The following DSTYK variants were observed in gnomAD, a reference collection of about 807,000 sequenced individuals.
DSTYK encodes the protein RIP-homologous kinase.
Under a neutral mutation model 98.7 loss-of-function variants are expected in DSTYK, and 34 were observed. The observed-to-expected ratio is 0.34, with a 90% CI of 0.26 to 0.46. The LOEUF is 0.46. Among genes scored for constraint, DSTYK ranks in the 20% least tolerant of loss-of-function variants. The pLI, the probability that DSTYK is intolerant of heterozygous loss-of-function variation, is 1.00. For synonymous variants in DSTYK, 462 were observed against 457.3 expected (o/e 1.01, Z -0.13); for missense variants, 962 against 1,181.7 (o/e 0.81, Z 2.73).
chr1:205,190,874 C>T (rs1326667706), intron 1 of DSTYK, among the ~76,000 whole-genome samples: 1 of 152,096 alleles, frequency 6.6e-6, no homozygotes, highest in Non-Finnish European at 1.5e-5. Flanking sequence ...ACTAAATAAC[C>T]TTTGTTACTG....
chr1:205,187,340 T>C (rs1335217856), intron 2 of DSTYK, 78 bp downstream of exon 2: 2 of 1,469,860 alleles, frequency 1.4e-6, no homozygotes, highest in Admixed American at 2.3e-5. Flanking sequence ...TATCATCGAA[T>C]TACTTTTTTA....
At chr1:205,178,231 A>G (rs1658288791) in intron 2 of DSTYK, among the ~76,000 whole-genome samples, 1 of 152,000 alleles carries the variant, frequency 6.6e-6, no homozygotes, top group African/African-American at 2.4e-5. Flanking sequence ...CTGATTCTCA[A>G]CTCATGAGCA....
chr1:205,167,394 T>C lies in DSTYK; in HGVS notation c.1324+1769A>G, dbSNP rs145698824. 7.2e-5 allele frequency among the ~76,000 whole-genome samples: 11 copies of C among 152,222 alleles called. No homozygotes were observed. In the East Asian group the frequency reaches 1.9e-3, roughly 27 times the overall value. Reference sequence around the variant, plus strand: ...CAGTCTGGATGGCAGAGCAAGAACCTGTCCCAAAAATAAAAAAAGAAGGAG... The same window carrying C: ...CAGTCTGGATGGCAGAGCAAGAACCCGTCCCAAAAATAAAAAAAGAAGGAG... On this transcript the variant is annotated intron_variant, in intron 3 of 12. Coordinates refer to ENST00000367162, the MANE Select transcript of DSTYK (RefSeq NM_015375.3).
At chr1:205,205,741 A>C (rs1366724604) in intron 1 of DSTYK, among the ~76,000 whole-genome samples, 1 of 152,102 alleles carries the variant, frequency 6.6e-6, no homozygotes, top group Non-Finnish European at 1.5e-5. Context: ...CACCGCGCCC[A>C]GCCGAAAATG....
chr1:205,184,814 G>T lies in DSTYK; in HGVS notation c.654+2604C>A, dbSNP rs1033835131. ...TGCCCAGGCTGGTGTTGAACATTTGGGCTCAAGCTATCCTCCTCCCTCAGT... is the reference window on the plus strand; with the variant it reads ...TGCCCAGGCTGGTGTTGAACATTTGTGCTCAAGCTATCCTCCTCCCTCAGT... On this transcript the variant is annotated intron_variant, in intron 2 of 12. Coordinates refer to ENST00000367162, the MANE Select transcript of DSTYK (RefSeq NM_015375.3). 2.0e-5 allele frequency among the ~76,000 whole-genome samples: 3 copies of T among 152,056 alleles called. No individual in the cohort carries two copies. In the South Asian group the frequency reaches 6.2e-4, roughly 32 times the overall value.
In DSTYK at chr1:205,147,724, G is replaced by T; in HGVS notation, c.2624C>A (p.Pro875His). 6.2e-7 allele frequency: 1 copy of T among 1,613,934 alleles called. No individual in the cohort carries two copies. Among genetic ancestry groups the T allele is most frequent in the Non-Finnish European group, 8.5e-7 (1 of 1,179,916 alleles). ...CTGCCAGCACTCCTCATCAAACACA[G>T]GAAGACGTTCTGGGCGAGCCCCTAG... ...VRRGARPERL[P>H]VFDEECWQLM... Residue 875 changes from proline to histidine, a missense_variant, in exon 13 of 13, where the codon CCT (proline) becomes CAT (histidine). Coordinates refer to ENST00000367162, the MANE Select transcript of DSTYK (RefSeq NM_015375.3).
Position 205,187,710 on chromosome 1 carries a change from C to T in DSTYK, c.362G>A (p.Cys121Tyr). ...ATTCAACAGCTGGCACTTGACGTTA[C>T]AATCCTGGCCGAGGATCAGTATGCA... The part of the protein sequence containing the change: ...LPCILILGQD[C>Y]NVKCQLLNLL... The change falls in exon 2 of 13, where the codon TGT (cysteine) becomes TAT (tyrosine). Residue 121 changes from cysteine to tyrosine, a missense_variant. Cys to Tyr is a radical substitution (Grantham distance 194). This residue lies in a region of DSTYK where 660 missense variants were observed against 855.0 expected (regional missense o/e 0.77). Coordinates refer to ENST00000367162, the MANE Select transcript of DSTYK (RefSeq NM_015375.3). 2 of 1,614,198 alleles carry T rather than the reference C, an allele frequency of 1.2e-6. No individual in the cohort carries two copies. Among genetic ancestry groups the T allele is most frequent in the Non-Finnish European group, 1.7e-6 (2 of 1,180,046 alleles).
chr1:205,153,562 G>A (rs1197344990), intron 10 of DSTYK, among the ~76,000 whole-genome samples: 1 of 152,158 alleles, frequency 6.6e-6, no homozygotes, highest in Non-Finnish European at 1.5e-5. Flanking sequence ...ACTGAAAAAT[G>A]TTAATATAGA....
intron 1 of DSTYK, among the ~76,000 whole-genome samples, chr1:205,198,326 C>T (rs1375741252): frequency 6.6e-6 from 1 of 152,136 alleles, no homozygotes; most frequent in Non-Finnish European, 1.5e-5. Flanking sequence ...CTACTTTTAT[C>T]CTATACCAAC....
chr1:205,181,650 T>TGG (rs201101134), intron 2 of DSTYK, among the ~76,000 whole-genome samples: 10,508 of 109,280 alleles, frequency 0.096, 520 homozygotes, highest in Middle Eastern at 0.18. Context: ...CCACAGATGT[T>TGG]GGGGTTTGTG....
intron 10 of DSTYK, among the ~76,000 whole-genome samples, chr1:205,151,473 T>C (rs1657401040): frequency 6.6e-6 from 1 of 152,106 alleles, no homozygotes; most frequent in Non-Finnish European, 1.5e-5. Context: ...CTTTTTGTTG[T>C]TGTTGTTGTT....
chr1:205,173,002 G>A (rs1468151255), intron 2 of DSTYK: 1 of 152,128 alleles, frequency 6.6e-6, no homozygotes, highest in Non-Finnish European at 1.5e-5. Context: ...AAGTTGGTAA[G>A]TAACAAATTT....
At chr1:205,180,717 G>A (rs1044405314) in intron 2 of DSTYK, among the ~76,000 whole-genome samples, 13 of 152,060 alleles carry the variant, frequency 8.5e-5, no homozygotes, top group African/African-American at 2.7e-4. Flanking sequence ...TGCCTGCCTC[G>A]GCCTCCCAAA....
chr1:205,204,667 C>A (rs1183467087), intron 1 of DSTYK, among the ~76,000 whole-genome samples: 1 of 152,134 alleles, frequency 6.6e-6, no homozygotes, highest in African/African-American at 2.4e-5. Context: ...CAAAGTTGTA[C>A]AAGTATCATC....
chr1:205,202,429 G>A (rs1480452982), intron 1 of DSTYK: 3 of 749,226 alleles, frequency 4.0e-6, no homozygotes, highest in Non-Finnish European at 7.3e-6. Context: ...GGCTGGACAA[G>A]GTCAGTGGCC....
intron 1 of DSTYK, among the ~76,000 whole-genome samples, chr1:205,209,528 A>G (rs1471842180): frequency 2.0e-5 from 3 of 151,948 alleles, no homozygotes; most frequent in Non-Finnish European, 2.9e-5. Context: ...AAAATAAGAT[A>G]CTAAGATCAT....
Position 205,169,463 on chromosome 1 carries a change from G to A in DSTYK, c.1024C>T (p.His342Tyr). The A allele has an allele frequency of 6.2e-7, 1 of 1,614,134 alleles. No homozygotes were observed. The highest frequency in any genetic ancestry group is 8.5e-7 in the Non-Finnish European group (1 of 1,180,024). Residue 342 changes from histidine to tyrosine, a missense_variant, in exon 3 of 13, where the codon CAC (histidine) becomes TAC (tyrosine). By Grantham distance (83) the His-to-Tyr change is moderately conservative (BLOSUM62 2). This residue lies in a region of DSTYK where 660 missense variants were observed against 855.0 expected (regional missense o/e 0.77). Transcript: ENST00000367162. The surrounding 1 kb of genome is among the most constrained non-coding windows in gnomAD (Gnocchi z 4.0). ...MLVEQSEKLR[H>Y]LSTFSHQVLQ... ...ACCTGGTGAGAAAATGTGCTCAAGT[G>A]TCTCAGCTTTTCACTCTGTTCCACC...
In DSTYK at chr1:205,160,310, G is replaced by C. The variant is rs751346399; in HGVS notation, c.1949-40C>G. On this transcript the variant is annotated intron_variant, in intron 7 of 12. Transcript: ENST00000367162. ...GACAGAGATAAGGCAGGAGGAATGG[G>C]AACTTCGTGGGCAACCTCTGTAAGA... The C allele has an allele frequency of 3.2e-6, 5 of 1,569,830 alleles. No homozygotes were observed. In the African/African-American group the frequency reaches 6.9e-5, roughly 22 times the overall value.
intron 1 of DSTYK, among the ~76,000 whole-genome samples, chr1:205,197,068 A>C (rs1658889102): frequency 6.6e-6 from 1 of 151,878 alleles, no homozygotes; most frequent in African/African-American, 2.4e-5. Flanking sequence ...CCTGGCCCTA[A>C]AACTGGTGAA....
Sources: gnomAD v4.1 joint callset for allele counts (sites outside exome capture counted in the v4.1 genomes callset) on GRCh38, gnomAD v4.1.1 for gene constraint, gnomAD v4.1.1 regional missense constraint, Gnocchi (gnomAD v3.1) non-coding constraint, MANE v1.5 for transcripts, NCBI Gene and HGNC (gene_info 2026-07-23, HGNC 2026-07-21) for gene names.